CSMD2: variants seen among roughly 807,000 people sequenced by gnomAD.
The protein encoded by CSMD2 is CUB and Sushi multiple domains 2.
In CSMD2, 130 loss-of-function variants were observed where a neutral mutation model predicts 398.5. That is an observed-to-expected ratio of 0.33 (90% CI 0.28 to 0.38). The LOEUF is 0.38. Among genes scored for constraint, CSMD2 ranks in the 10% least tolerant of loss-of-function variants. The pLI, the probability that CSMD2 is intolerant of heterozygous loss-of-function variation, is 1.00. For synonymous variants in CSMD2, 1,828 were observed against 1,908.5 expected, an observed-to-expected ratio of 0.96 and a Z score of 1.10; for missense variants, 3,829 against 4,764.9, an observed-to-expected ratio of 0.80 and a Z score of 5.78.
At chr1:33,776,471 T>C (rs1336004938) in intron 12 of CSMD2, among the ~76,000 whole-genome samples, 1 of 152,094 alleles carries the variant, frequency 6.6e-6, no homozygotes, top group African/African-American at 2.4e-5. Context: ...GGACAAGTCA[T>C]GGGAAAACGA....
At chr1:33,570,979 CCT>C (rs1351566496) in intron 51 of CSMD2, among the ~76,000 whole-genome samples, 2 of 152,190 alleles carry the variant, frequency 1.3e-5, no homozygotes, top group African/African-American at 2.4e-5. Context: ...CCCTAATAAG[CCT>C]CTGTCTCAGA....
At position 33,600,929 on chromosome 1, in the gene CSMD2, G is replaced by C; in HGVS notation, c.6792C>G (p.Asn2264Lys). The C allele has an allele frequency of 6.2e-7, 1 of 1,614,156 alleles. No homozygotes were observed. Residue 2264 changes from asparagine to lysine, a missense_variant, in exon 44 of 71, where the codon AAC becomes AAG. Asn to Lys is a moderately conservative substitution (Grantham distance 94, BLOSUM62 0). Coordinates refer to ENST00000373381, the MANE Select transcript of CSMD2 (RefSeq NM_001281956.2). Reference protein sequence around the residue: ...MAKKTVQSSSNQVLLKFHRDA... With the variant: ...MAKKTVQSSSKQVLLKFHRDA... ...CACGGTGGAACTTGAGCAGGACCTG[G>C]TTGGATGAACTCTGCACTGTTTTCT...
intron 13 of CSMD2, among the ~76,000 whole-genome samples, chr1:33,748,739 CAAAAT>C (rs1647752859): frequency 6.6e-6 from 1 of 151,894 alleles, no homozygotes; most frequent in South Asian, 2.1e-4. Context: ...ATGAAAGAGA[CAAAAT>C]AAAATATACT....
At chr1:33,516,744 G>A (rs980022960) in intron 70 of CSMD2, among the ~76,000 whole-genome samples, 174 bp from the exon 71 acceptor site, 4 of 152,188 alleles carry the variant, frequency 2.6e-5, no homozygotes, top group African/African-American at 9.7e-5. Context: ...GTTGGGGATG[G>A]GGGTAGGTAG....
intron 15 of CSMD2, among the ~76,000 whole-genome samples, chr1:33,735,037 G>GTATTTCCTT (rs1020133547): frequency 6.6e-6 from 1 of 152,180 alleles, no homozygotes; most frequent in African/African-American, 2.4e-5. Flanking sequence ...ATTAGGCAAT[G>GTATTTCCTT]TATTTCCTTT....
intron 5 of CSMD2, among the ~76,000 whole-genome samples, chr1:33,907,558 C>T (rs1047239932): frequency 6.6e-6 from 1 of 152,090 alleles, no homozygotes; most frequent in African/African-American, 2.4e-5. Context: ...CTTCAAGAAG[C>T]TTGGGTGAGA....
At chr1:33,738,154 G>T (rs1381254554) in intron 15 of CSMD2, among the ~76,000 whole-genome samples, 1 of 152,114 alleles carries the variant, frequency 6.6e-6, no homozygotes, top group East Asian at 1.9e-4. Flanking sequence ...ACTATGCCCA[G>T]ATTTGAGTTT....
At chr1:33,876,083 G>T (rs1168488087) in intron 5 of CSMD2, among the ~76,000 whole-genome samples, 1 of 152,176 alleles carries the variant, frequency 6.6e-6, no homozygotes, top group Non-Finnish European at 1.5e-5. Flanking sequence ...CTTCTCAGCA[G>T]GCCCTGTTAC....
intron 6 of CSMD2, among the ~76,000 whole-genome samples, chr1:33,829,130 T>G (rs1659169915): frequency 6.6e-6 from 1 of 152,184 alleles, no homozygotes; most frequent in Non-Finnish European, 1.5e-5. Flanking sequence ...CTCATCATGT[T>G]AGCGCAGGGA....
At chr1:34,045,038 T>TACATACACAC (rs1219579384) in intron 2 of CSMD2, among the ~76,000 whole-genome samples, 6 of 142,718 alleles carry the variant, frequency 4.2e-5, no homozygotes, top group African/African-American at 1.5e-4. Flanking sequence ...TCACACACCA[T>TACATACACAC]ACACACACAC....
chr1:34,120,399 T>C (rs1360594332), intron 1 of CSMD2, among the ~76,000 whole-genome samples: 2 of 152,236 alleles, frequency 1.3e-5, no homozygotes, highest in Non-Finnish European at 2.9e-5. Flanking sequence ...TAGTTAACAC[T>C]ACTGTGCTGT....
chr1:34,129,280 G>C (rs1245273470), intron 1 of CSMD2, among the ~76,000 whole-genome samples: 1 of 151,528 alleles, frequency 6.6e-6, no homozygotes, highest in Non-Finnish European at 1.5e-5. Flanking sequence ...GTGTAGAAGC[G>C]TGTGTGTGTG....
chr1:33,638,563 G>GA (rs1642934863), intron 29 of CSMD2, among the ~76,000 whole-genome samples: 1 of 152,214 alleles, frequency 6.6e-6, no homozygotes. Flanking sequence ...CATGTCTGCT[G>GA]AAAACAATCC....
intron 9 of CSMD2, 102 bp downstream of exon 9, chr1:33,819,611 A>G (rs1657872447): frequency 9.8e-7 from 1 of 1,018,516 alleles, no homozygotes; most frequent in Non-Finnish European, 1.5e-6. Context: ...GAGGGGAGCC[A>G]GTCTGCTTGA....
chr1:33,540,256 C>T (rs1444777397), intron 60 of CSMD2, among the ~76,000 whole-genome samples: 1 of 139,790 alleles, frequency 7.2e-6, no homozygotes, highest in Non-Finnish European at 1.6e-5. Context: ...GTTAACAACC[C>T]TTCAGGTAAA....
At position 34,165,044 on chromosome 1, in the gene CSMD2, C is replaced by G. The variant is rs1319123659; in HGVS notation, c.54G>C (p.Arg18Ser). Residue 18 changes from arginine (R) to serine (S), a missense_variant, in exon 1 of 71, where the codon AGG (arginine) becomes AGC (serine). Around this residue, in one of 5 missense-constraint regions of CSMD2, gnomAD observed 184 missense variants for 217.7 expected, o/e 0.85. Transcript: ENST00000373381. The stretch of plus-strand genomic sequence containing the variant: ...CCGAAATCCCGGTTTCGCCGCGAGC[C>G]CTCCCCGCGGGGCAGCCGCAGCGCC... ...ELGRCGCPAGRARGETGISAL... is the reference protein window; with the variant it reads ...ELGRCGCPAGSARGETGISAL... 8.2e-7 allele frequency: 1 copy of G among 1,214,400 alleles called. No homozygotes were observed. The highest frequency in any genetic ancestry group is 3.3e-5 in the East Asian group (1 of 30,116). 75.2% of individuals were successfully genotyped at this position (1,214,400 alleles called of 1,614,324 possible).
chr1:33,847,943 C>A (rs1296736207), intron 5 of CSMD2, among the ~76,000 whole-genome samples: 5 of 152,202 alleles, frequency 3.3e-5, no homozygotes, highest in African/African-American at 1.2e-4. Flanking sequence ...TTCCATTCTT[C>A]ATCTTGATTT....
intron 3 of CSMD2, among the ~76,000 whole-genome samples, chr1:33,956,980 C>T (rs1036806447): frequency 3.9e-5 from 6 of 152,046 alleles, no homozygotes; most frequent in Non-Finnish European, 8.8e-5. Flanking sequence ...CATGCTCCAG[C>T]CACTGTGGCC....
chr1:34,098,333 C>T (rs1387008274), intron 1 of CSMD2, among the ~76,000 whole-genome samples: 6 of 142,702 alleles, frequency 4.2e-5, no homozygotes, highest in Non-Finnish European at 9.2e-5. Flanking sequence ...TTAGTGGGTG[C>T]AGCACACCAG....
Sources: gnomAD v4.1 joint callset for allele counts (sites outside exome capture counted in the v4.1 genomes callset) on GRCh38, gnomAD v4.1.1 for gene constraint, gnomAD v4.1.1 regional missense constraint, MANE v1.5 for transcripts, NCBI Gene and HGNC (gene_info 2026-07-23, HGNC 2026-07-21) for gene names.